The following PAK4 variants were observed in gnomAD, a reference collection of about 807,000 sequenced individuals.
PAK4 encodes the protein p21 (RAC1) activated kinase 4.
In PAK4, 49 loss-of-function variants were observed where a neutral mutation model predicts 53.5. That is an observed-to-expected ratio of 0.92 (90% CI 0.73 to 1.16). The LOEUF (loss-of-function observed/expected upper bound fraction) is 1.16. PAK4 is among the 50% of genes most tolerant of loss of function. The pLI is 0.00. For missense variants in PAK4, 824 were observed against 850.7 expected (o/e 0.97, Z 0.39); for synonymous variants, 376 against 375.6 (o/e 1.00, Z -0.01).
At chr19:39,177,770 T>C (rs1203252048) in exon 8 of PAK4, 1 of 1,613,424 alleles carries the variant, frequency 6.2e-7, no homozygotes, top group Admixed American at 1.7e-5. Context: ...TGAAGATGAT[T>C]CGGGACAACC....
At chr19:39,165,192 G>GATAATAATA (rs74176492) in intron 1 of PAK4, among the ~76,000 whole-genome samples, 1,839 of 130,408 alleles carry the variant, frequency 0.014, 26 homozygotes, top group African/African-American at 0.027. Flanking sequence ...TGATGATGAT[G>GATAATAATA]ATGATAATAA....
chr19:39,155,800 G>A (rs1047484060), intron 1 of PAK4, among the ~76,000 whole-genome samples: 1 of 152,146 alleles, frequency 6.6e-6, no homozygotes, highest in African/African-American at 2.4e-5. Context: ...GCCTCTCCGC[G>A]CCTCAGTTTC....
chr19:39,160,432 G>C (rs1464113775), intron 1 of PAK4, among the ~76,000 whole-genome samples: 2 of 152,230 alleles, frequency 1.3e-5, no homozygotes, highest in Admixed American at 1.3e-4. Context: ...AGTAGGTGTA[G>C]GATGCCAGGG....
intron 2 of PAK4, among the ~76,000 whole-genome samples, chr19:39,170,853 G>A (rs1462139723): frequency 2.0e-5 from 3 of 152,256 alleles, no homozygotes; most frequent in South Asian, 2.1e-4. Context: ...TTCCAAAGCC[G>A]TTTCTGGCAT....
chr19:39,173,941 G>T lies in PAK4; in HGVS notation c.1029G>T (p.Ser343=), dbSNP rs144457438. The T allele has an allele frequency of 1.9e-6, 3 of 1,611,082 alleles. No individual in the cohort carries two copies. The highest frequency in any genetic ancestry group is 2.5e-6 in the Non-Finnish European group (3 of 1,179,384). Reference sequence around the variant, plus strand: ...TGTGCATCGCCACCGTGCGCAGCTCGGGCAAGCTGGTGGCCGTCAAGAAGA... The same window carrying T: ...TGTGCATCGCCACCGTGCGCAGCTCTGGCAAGCTGGTGGCCGTCAAGAAGA... The change falls in exon 4 of 9, where the codon TCG becomes TCT. Residue 343 remains serine (S), a synonymous_variant. Coordinates refer to ENST00000358301, the Ensembl canonical transcript of PAK4. The surrounding 1 kb of genome is among the most constrained non-coding windows in gnomAD (Gnocchi z 6.9).
intron 1 of PAK4, among the ~76,000 whole-genome samples, chr19:39,165,548 AAAT>A (rs2144794391): frequency 1.5e-5 from 2 of 134,672 alleles, no homozygotes; most frequent in African/African-American, 5.0e-5. Context: ...ATAAATAAAT[AAAT>A]AAAATAATAA....
chr19:39,165,948 T>C (rs375362870), intron 1 of PAK4, among the ~76,000 whole-genome samples: 28 of 152,184 alleles, frequency 1.8e-4, no homozygotes, highest in Non-Finnish European at 3.7e-4. Flanking sequence ...GGCTTATTAA[T>C]GGCCCCTCCC....
intron 1 of PAK4, among the ~76,000 whole-genome samples, chr19:39,158,700 A>T (rs890805801): frequency 6.6e-6 from 1 of 152,140 alleles, no homozygotes; most frequent in African/African-American, 2.4e-5. Flanking sequence ...TAAAGGAAGC[A>T]TCATCTCTTC....
chr19:39,177,878 G>A, intron 8 of PAK4, 69 bp downstream of exon 9: 7 of 1,524,610 alleles, frequency 4.6e-6, no homozygotes, highest in East Asian at 2.3e-5. Flanking sequence ...TGGAGCATGG[G>A]GTGTGGATGG....
At chr19:39,162,341 G>A (rs1244784658) in intron 1 of PAK4, among the ~76,000 whole-genome samples, 1 of 140,732 alleles carries the variant, frequency 7.1e-6, no homozygotes, top group South Asian at 2.3e-4. Context: ...CTGCAGCCTC[G>A]ACCTCCCAGG....
At chr19:39,166,744 C>G (rs887564178) in intron 1 of PAK4, among the ~76,000 whole-genome samples, 1 of 152,210 alleles carries the variant, frequency 6.6e-6, no homozygotes, top group Non-Finnish European at 1.5e-5. Flanking sequence ...CTGCCTAGCT[C>G]TTCTCCCTCT....
intron 1 of PAK4, among the ~76,000 whole-genome samples, chr19:39,143,192 T>A (rs1478913661): frequency 1.3e-5 from 2 of 151,514 alleles, no homozygotes; most frequent in East Asian, 3.9e-4. Flanking sequence ...GAGCAGAGAC[T>A]CTTGTCTTAT....
intron 2 of PAK4, among the ~76,000 whole-genome samples, chr19:39,170,809 T>A (rs944896107): frequency 2.6e-5 from 4 of 152,212 alleles, no homozygotes; most frequent in African/African-American, 9.6e-5. Context: ...TGCTTTGACT[T>A]CTTTGCCTCC....
chr19:39,146,016 G>T (rs2073993312), intron 1 of PAK4, among the ~76,000 whole-genome samples: 1 of 152,250 alleles, frequency 6.6e-6, no homozygotes, highest in Non-Finnish European at 1.5e-5. Flanking sequence ...AATTGTGTGA[G>T]GGTTATTTCA....
intron 1 of PAK4, among the ~76,000 whole-genome samples, chr19:39,129,403 TC>T (rs2073657953): frequency 6.6e-6 from 1 of 151,960 alleles, no homozygotes; most frequent in African/African-American, 2.4e-5. Flanking sequence ...GAACGCGTGT[TC>T]CTGTAGACCA....
chr19:39,155,517 C>T (rs2074164223), intron 1 of PAK4, among the ~76,000 whole-genome samples: 1 of 152,112 alleles, frequency 6.6e-6, no homozygotes, highest in Non-Finnish European at 1.5e-5. Flanking sequence ...ATGAACCAAG[C>T]AGCCCTCCGG....
At chr19:39,165,060 A>G (rs1320509555) in intron 1 of PAK4, among the ~76,000 whole-genome samples, 1 of 151,814 alleles carries the variant, frequency 6.6e-6, no homozygotes, top group Non-Finnish European at 1.5e-5. Context: ...AGGACAGGTC[A>G]CACAGGAGGG....
intron 1 of PAK4, among the ~76,000 whole-genome samples, chr19:39,132,104 C>T (rs1003973794): frequency 6.6e-6 from 1 of 152,226 alleles, no homozygotes; most frequent in African/African-American, 2.4e-5. Flanking sequence ...CTCCACGTGC[C>T]AGGCACGCGT....
intron 1 of PAK4, among the ~76,000 whole-genome samples, chr19:39,129,223 G>A (rs565263413): frequency 1.3e-5 from 2 of 151,610 alleles, no homozygotes; most frequent in African/African-American, 2.4e-5. Flanking sequence ...GCTGAGCATT[G>A]GAGTCTGGAT....
Sources: gnomAD v4.1 joint callset for allele counts (sites outside exome capture counted in the v4.1 genomes callset) on GRCh38, gnomAD v4.1.1 for gene constraint, Gnocchi (gnomAD v3.1) non-coding constraint, MANE v1.5 for transcripts, NCBI Gene and HGNC (gene_info 2026-07-23, HGNC 2026-07-21) for gene names.